Variants in SLC5A1 observed in about 807,000 individuals in gnomAD.
SLC5A1 encodes the protein solute carrier family 5 member 1, also known as sodium/glucose cotransporter 1.
In SLC5A1, 42 loss-of-function variants were observed where a neutral mutation model predicts 73.5. The observed-to-expected ratio is 0.57, with a 90% CI of 0.45 to 0.74. The LOEUF (loss-of-function observed/expected upper bound fraction) is 0.74. SLC5A1 is among the 30% of genes least tolerant of loss of function. The pLI is 0.00. For missense variants in SLC5A1, 634 were observed against 855.4 expected, an observed-to-expected ratio of 0.74 and a Z score of 3.23; for synonymous variants, 300 against 317.4, an observed-to-expected ratio of 0.95 and a Z score of 0.58.
At chr22:32,092,546 T>C (rs980000779) in intron 11 of SLC5A1, among the ~76,000 whole-genome samples, 3 of 152,262 alleles carry the variant, frequency 2.0e-5, no homozygotes, top group Admixed American at 2.0e-4. Flanking sequence ...ATAGTGGTTG[T>C]ATTAGTTTAC....
chr22:32,075,870 C>T (rs549074285), intron 5 of SLC5A1, among the ~76,000 whole-genome samples: 6 of 152,080 alleles, frequency 3.9e-5, no homozygotes, highest in Admixed American at 2.0e-4. Flanking sequence ...AGAATTACAC[C>T]GATATCAACT....
intron 5 of SLC5A1, 102 bp from the exon 6 acceptor site, chr22:32,081,764 T>C: frequency 1.3e-6 from 1 of 791,178 alleles, no homozygotes; most frequent in East Asian, 2.4e-5. Context: ...CGTATTATCA[T>C]CTTGAATAAA....
chr22:32,082,989 G>A, intron 6 of SLC5A1, 85 bp from the exon 7 acceptor site: 1 of 1,200,494 alleles, frequency 8.3e-7, no homozygotes, highest in Non-Finnish European at 1.2e-6. Flanking sequence ...GCCAGCAGAA[G>A]TAGAGGGTGG....
At chr22:32,107,100 C>T (rs1405886453) in intron 14 of SLC5A1, among the ~76,000 whole-genome samples, 1 of 152,118 alleles carries the variant, frequency 6.6e-6, no homozygotes, top group Admixed American at 6.5e-5. Context: ...CTTGTGACTG[C>T]AAATACTGGA....
chr22:32,110,242 G>A lies in SLC5A1; in HGVS notation c.*29G>A, dbSNP rs1486626076. 1 of 1,506,750 alleles carries A rather than the reference G, an allele frequency of 6.6e-7. No homozygotes were observed. The highest frequency in any genetic ancestry group is 1.4e-5 in the African/African-American group (1 of 72,956). The allele number at this position is 1,506,750 out of a possible 1,614,324, so 93.3% of individuals were successfully genotyped here. ...CTACCTTTTGCTGTAGATTTACCAT[G>A]GCTGGACTCTTACTCACCTTCCTTT... On this transcript the variant is annotated 3_prime_UTR_variant, in exon 15 of 15. Transcript: ENST00000266088.
At chr22:32,103,710 T>C (rs755076472) in intron 13 of SLC5A1, among the ~76,000 whole-genome samples, 1 of 152,218 alleles carries the variant, frequency 6.6e-6, no homozygotes, top group Non-Finnish European at 1.5e-5. Flanking sequence ...AAACCCAAAA[T>C]ATAGTTTGCC....
intron 5 of SLC5A1, among the ~76,000 whole-genome samples, chr22:32,076,238 T>C (rs541727545): frequency 1.3e-5 from 2 of 152,358 alleles, no homozygotes; most frequent in East Asian, 1.9e-4. Context: ...ATGTGGAGCG[T>C]TGGCTATGGC....
At chr22:32,047,202 T>G (rs2093938330) in intron 1 of SLC5A1, among the ~76,000 whole-genome samples, 1 of 151,950 alleles carries the variant, frequency 6.6e-6, no homozygotes, top group Non-Finnish European at 1.5e-5. Flanking sequence ...GATGAATAGG[T>G]AGGATCTGGG....
chr22:32,106,092 G>C (rs1320785956), intron 14 of SLC5A1, among the ~76,000 whole-genome samples: 1 of 152,106 alleles, frequency 6.6e-6, no homozygotes, highest in East Asian at 1.9e-4. Flanking sequence ...TTTCTTTTGG[G>C]CATATACCCA....
At chr22:32,049,231 A>ATATCTATATCTATATC (rs1569298801) in intron 1 of SLC5A1, among the ~76,000 whole-genome samples, 8 of 119,566 alleles carry the variant, frequency 6.7e-5, no homozygotes, top group Non-Finnish European at 1.6e-4. Context: ...ATATCTATAT[A>ATATCTATATCTATATC]TATGATGATT....
At chr22:32,056,384 A>G (rs865930514) in intron 2 of SLC5A1, among the ~76,000 whole-genome samples, 3 of 151,502 alleles carry the variant, frequency 2.0e-5, no homozygotes, top group Middle Eastern at 3.5e-3. Context: ...AAATAAAAAT[A>G]CAGGATGCCC....
At chr22:32,074,126 G>GC (rs1222086537) in intron 5 of SLC5A1, among the ~76,000 whole-genome samples, 2 of 152,098 alleles carry the variant, frequency 1.3e-5, no homozygotes, top group Non-Finnish European at 2.9e-5. Context: ...CTTCTCCCAG[G>GC]CAAGTGTCCT....
At chr22:32,075,423 T>C (rs1196167335) in intron 5 of SLC5A1, among the ~76,000 whole-genome samples, 2 of 152,156 alleles carry the variant, frequency 1.3e-5, no homozygotes, top group South Asian at 2.1e-4. Context: ...TGTGGTCTTA[T>C]GTTCTGCGCT....
chr22:32,084,066 G>A (rs569825250), intron 7 of SLC5A1, among the ~76,000 whole-genome samples: 1 of 152,206 alleles, frequency 6.6e-6, no homozygotes, highest in Non-Finnish European at 1.5e-5. Context: ...TGAGTCCAAG[G>A]CTCCAAAGGC....
At position 32,061,925 on chromosome 22, in the gene SLC5A1, T is replaced by C. The variant is rs150937784; in HGVS notation, c.208-5010T>C. Among the ~76,000 whole-genome samples the C allele has an allele frequency of 1.6e-3, 236 of 152,236 alleles. 1 individual carries two copies. Among genetic ancestry groups the C allele is most frequent in the African/African-American group, 3.9e-3 (161 of 41,524 alleles). On this transcript the variant is annotated intron_variant, in intron 2 of 14. Transcript: ENST00000266088. ...ACAATGGTGATGAGAATCAAGTCCA[T>C]TGTCGATGAGGAACAGACACATGAG...
intron 5 of SLC5A1, among the ~76,000 whole-genome samples, chr22:32,078,981 A>T (rs2093995376): frequency 7.3e-6 from 1 of 136,158 alleles, no homozygotes; most frequent in Non-Finnish European, 1.6e-5. Flanking sequence ...AAAAAAAAAA[A>T]AAAGACCTTG....
chr22:32,090,014 T>G (rs2149493685), intron 10 of SLC5A1, among the ~76,000 whole-genome samples: 1 of 151,584 alleles, frequency 6.6e-6, no homozygotes, highest in Non-Finnish European at 1.5e-5. Flanking sequence ...TTTGGGAAGG[T>G]ATCCCTGTTT....
intron 5 of SLC5A1, among the ~76,000 whole-genome samples, chr22:32,081,401 G>A (rs1242110411): frequency 6.6e-6 from 1 of 152,176 alleles, no homozygotes; most frequent in African/African-American, 2.4e-5. Flanking sequence ...CCCCGCTCCT[G>A]GGTGGGGGTG....
rs199702272 is a variant in SLC5A1 at position 32,086,263 on chromosome 22, C to T, written c.1065C>T (p.Cys355=). ...CVVPSECEKY[C]GTKVGCTNIA... ...TCCCTTCAGAATGTGAGAAATATTGCGGTACCAAGGTTGGCTGTACCAACA... is the reference window on the plus strand; with the variant it reads ...TCCCTTCAGAATGTGAGAAATATTGTGGTACCAAGGTTGGCTGTACCAACA... The change falls in exon 10 of 15, where the codon TGC becomes TGT. Residue 355 remains cysteine, a synonymous_variant. Transcript: ENST00000266088. 117 of 1,613,748 alleles carry T rather than the reference C, an allele frequency of 7.3e-5. No homozygotes were observed. Among genetic ancestry groups the T allele is most frequent in the Admixed American group, 3.7e-4 (22 of 60,002 alleles).
Sources: allele counts gnomAD v4.1 joint callset (sites outside exome capture counted in the v4.1 genomes callset), GRCh38; gene constraint gnomAD v4.1.1; transcripts MANE v1.5; gene names NCBI Gene and HGNC (gene_info 2026-07-23, HGNC 2026-07-21).